The following SLC4A4 variants were observed in gnomAD, a reference collection of about 807,000 sequenced individuals.
SLC4A4 encodes solute carrier family 4 member 4, also known as electrogenic sodium bicarbonate cotransporter 1.
Under a neutral mutation model 111.5 loss-of-function variants are expected in SLC4A4, and 27 were observed. That is an observed-to-expected ratio of 0.24 (90% CI 0.18 to 0.33). The LOEUF (loss-of-function observed/expected upper bound fraction) is 0.33. Ranked by LOEUF, SLC4A4 falls within the 10% of genes least tolerant of loss-of-function variation. The pLI is 1.00. For missense variants in SLC4A4, 909 were observed against 1,315.5 expected (o/e 0.69, Z 4.78); for synonymous variants, 443 against 463.4 (o/e 0.96, Z 0.57).
At chr4:71,531,056 T>A (rs191487379) in intron 16 of SLC4A4, among the ~76,000 whole-genome samples, 7 of 152,236 alleles carry the variant, frequency 4.6e-5, no homozygotes, top group South Asian at 2.1e-4. Context: ...AGAAAAGTAT[T>A]GGGAACTGAG....
At chr4:71,081,795 T>A (rs775513660) in intron 1 of SLC4A4, among the ~76,000 whole-genome samples, 10 of 152,090 alleles carry the variant, frequency 6.6e-5, no homozygotes, top group Non-Finnish European at 1.2e-4. Flanking sequence ...GCTAATATCT[T>A]GGCCAATTCT....
intron 1 of SLC4A4, among the ~76,000 whole-genome samples, chr4:71,212,970 GTACT>G (rs2149013813): frequency 6.6e-6 from 1 of 152,268 alleles, no homozygotes; most frequent in East Asian, 1.9e-4. Context: ...AGATACACAA[GTACT>G]TACTATTGTA....
At position 71,156,588 on chromosome 4, in the gene SLC4A4, GCACACACA is replaced by G. The variant is rs1553957345; in HGVS notation, c.-2+63815_-2+63822del. On this transcript the variant is annotated intron_variant, in intron 2 of 26. Coordinates refer to the SLC4A4 transcript ENST00000649996. ...TGTGCGCGCATGCGCGCGCGCGCGC[GCACACACA>G]CACACACACACACACACATACACAT... Among the ~76,000 whole-genome samples, 8 of 138,572 alleles carry G rather than the reference GCACACACA, an allele frequency of 5.8e-5. No individual in the cohort carries two copies. The South Asian group carries it at 8.1e-4, about 14-fold the overall frequency. The allele number at this position is 138,572 out of a possible 152,430, so 90.9% of individuals were successfully genotyped here.
intron 2 of SLC4A4, among the ~76,000 whole-genome samples, chr4:71,134,828 G>A (rs928467374): frequency 6.6e-6 from 1 of 152,212 alleles, no homozygotes. Context: ...AATAGGGAAA[G>A]GGTAGTGTCT....
At chr4:71,375,859 A>C (rs1488250418) in intron 6 of SLC4A4, among the ~76,000 whole-genome samples, 1 of 151,970 alleles carries the variant, frequency 6.6e-6, no homozygotes, top group Admixed American at 6.6e-5. Flanking sequence ...GGCGGAGATC[A>C]TGTAGCCTAC....
At chr4:71,289,689 A>G (rs796838347) in intron 3 of SLC4A4, among the ~76,000 whole-genome samples, 7 of 152,318 alleles carry the variant, frequency 4.6e-5, no homozygotes, top group South Asian at 2.1e-4. Context: ...ACGAAGGAGG[A>G]GAGAAACAAA....
chr4:71,399,032 A>G (rs974783614), intron 7 of SLC4A4, among the ~76,000 whole-genome samples: 2 of 152,162 alleles, frequency 1.3e-5, no homozygotes, highest in Non-Finnish European at 2.9e-5. Context: ...TATTCTCTAA[A>G]TAATACATCA....
At position 71,089,381 on chromosome 4, in the gene SLC4A4, C is replaced by A. The variant is rs568834416; in HGVS notation, c.-64-3349C>A. On this transcript the variant is annotated intron_variant, in intron 1 of 26. Transcript: ENST00000649996. ...CTTGGTGTAGTTTGATTGTCTGAAG[C>A]CTTCTTCTCTCAACTCGTCAAAGTC... Among the ~76,000 whole-genome samples, 7 of 152,144 alleles carry A rather than the reference C, an allele frequency of 4.6e-5. No homozygotes were observed. In the East Asian group the frequency reaches 1.4e-3, roughly 29 times the overall value.
chr4:71,443,112 C>A (rs1210342980), intron 8 of SLC4A4, among the ~76,000 whole-genome samples: 134 of 97,532 alleles, frequency 1.4e-3, no homozygotes, highest in African/African-American at 2.0e-3. Context: ...CTCTCTCTCT[C>A]TCTCTATATA....
intron 3 of SLC4A4, among the ~76,000 whole-genome samples, chr4:71,338,032 C>T (rs1728573250): frequency 6.6e-6 from 1 of 151,988 alleles, no homozygotes; most frequent in Non-Finnish European, 1.5e-5. Context: ...AGGGTTTCAC[C>T]ATGTTGGCCA....
intron 7 of SLC4A4, among the ~76,000 whole-genome samples, chr4:71,411,309 C>T (rs1238720781): frequency 1.3e-5 from 2 of 152,050 alleles, no homozygotes; most frequent in Admixed American, 1.3e-4. Context: ...AACTGGTGTT[C>T]GCCCATTATT....
At chr4:71,404,437 A>G (rs1408591160) in intron 7 of SLC4A4, among the ~76,000 whole-genome samples, 1 of 152,244 alleles carries the variant, frequency 6.6e-6, no homozygotes, top group Non-Finnish European at 1.5e-5. Flanking sequence ...TGTATTCAAC[A>G]TTTAACCAAA....
rs147987768 is a variant in SLC4A4, at chr4:71,550,452, G to A, written c.2694+2732G>A. ...AGGGTACAGTTTAACTAAAACCTAA[G>A]TTATGACTAAGTAAGAGTCAAGATT... is the stretch of plus-strand genomic sequence containing the variant. On this transcript the variant is annotated intron_variant, in intron 20 of 25. Transcript: ENST00000264485. 8.9e-3 allele frequency among the ~76,000 whole-genome samples: 1,354 copies of A among 151,976 alleles called. 17 individuals are homozygous for A. The highest frequency in any genetic ancestry group is 0.03 in the African/African-American group (1,241 of 41,502).
intron 2 of SLC4A4, among the ~76,000 whole-genome samples, chr4:71,096,261 G>A (rs574956401): frequency 6.6e-6 from 1 of 152,154 alleles, no homozygotes; most frequent in Non-Finnish European, 1.5e-5. Context: ...GAGGCTAAAG[G>A]GGGGAGGAAG....
chr4:71,121,167 G>C (rs1291779295), intron 2 of SLC4A4, among the ~76,000 whole-genome samples: 1 of 152,154 alleles, frequency 6.6e-6, no homozygotes, highest in East Asian at 1.9e-4. Flanking sequence ...TCCCCACAGG[G>C]AGGTCTCAGG....
intron 7 of SLC4A4, among the ~76,000 whole-genome samples, chr4:71,431,505 G>A (rs921981362): frequency 6.6e-6 from 1 of 152,094 alleles, no homozygotes; most frequent in African/African-American, 2.4e-5. Context: ...GGACATGGAG[G>A]GTAGAGTGTG....
intron 1 of SLC4A4, among the ~76,000 whole-genome samples, chr4:71,224,658 G>T (rs562710447): frequency 9.2e-5 from 14 of 152,192 alleles, no homozygotes; most frequent in Non-Finnish European, 1.6e-4. Flanking sequence ...CATTGATTTG[G>T]GGGGGATTGC....
At chr4:71,540,932 G>A (rs1187270613) in intron 18 of SLC4A4, among the ~76,000 whole-genome samples, 3 of 152,086 alleles carry the variant, frequency 2.0e-5, no homozygotes, top group Admixed American at 6.6e-5. Flanking sequence ...CAAAGTTAAC[G>A]GGGCCAGGTC....
intron 3 of SLC4A4, among the ~76,000 whole-genome samples, chr4:71,319,039 G>A (rs1370845991): frequency 6.6e-6 from 1 of 151,868 alleles, no homozygotes; most frequent in African/African-American, 2.4e-5. Flanking sequence ...ATTCATTGGT[G>A]TCTCTTGGAT....
Sources: gnomAD v4.1 joint callset for allele counts (sites outside exome capture counted in the v4.1 genomes callset) on GRCh38, gnomAD v4.1.1 for gene constraint, MANE v1.5 for transcripts, NCBI Gene and HGNC (gene_info 2026-07-23, HGNC 2026-07-21) for gene names.